The following SEC16A variants were observed in gnomAD, a reference collection of about 807,000 sequenced individuals.
SEC16A encodes protein transport protein Sec16A.
SEC16A carries 110 observed loss-of-function variants against 221.9 expected under a neutral mutation model. The observed-to-expected ratio is 0.50, with a 90% confidence interval of 0.42 to 0.58. SEC16A has a LOEUF of 0.58. Ranked by LOEUF, SEC16A falls within the 20% of genes least tolerant of loss-of-function variation. The probability of loss-of-function intolerance (pLI) is 0.00; values close to 1 mark genes in which losing one functional copy is unlikely to be tolerated. For missense variants in SEC16A, 3,165 were observed against 3,097.8 expected, an observed-to-expected ratio of 1.02 and a Z score of -0.52; for synonymous variants, 1,393 against 1,257.7, an observed-to-expected ratio of 1.11 and a Z score of -2.28.
intron 22 of SEC16A, among the ~76,000 whole-genome samples, chr9:136,452,174 CG>C (rs889033210): frequency 6.6e-6 from 1 of 151,876 alleles, no homozygotes; most frequent in African/African-American, 2.4e-5. Context: ...CCGGGCTGGG[CG>C]GGGTGGCTCA....
chr9:136,442,232 G>A (rs566090056), intron 31 of SEC16A, among the ~76,000 whole-genome samples: 32 of 152,356 alleles, frequency 2.1e-4, no homozygotes, highest in African/African-American at 7.0e-4. Context: ...TTGCTCCCTC[G>A]CAAAGCCTCA....
At chr9:136,451,581 G>C (rs1316590339) in intron 22 of SEC16A, among the ~76,000 whole-genome samples, 173 bp from the exon 23 acceptor site, 1 of 152,140 alleles carries the variant, frequency 6.6e-6, no homozygotes, top group Non-Finnish European at 1.5e-5. Flanking sequence ...CCCCTGACTG[G>C]GCCTCCCAGA....
intron 3 of SEC16A, among the ~76,000 whole-genome samples, chr9:136,473,499 C>T (rs1317451967): frequency 2.0e-5 from 3 of 152,262 alleles, no homozygotes; most frequent in Non-Finnish European, 2.9e-5. Context: ...AGCCGGTCCC[C>T]GAGCCGCTGC....
At position 136,476,638 on chromosome 9, in the gene SEC16A, C is replaced by T; in HGVS notation, c.978G>A (p.Glu326=). 1 of 1,577,454 alleles carries T rather than the reference C, an allele frequency of 6.3e-7. No homozygotes were observed. Among genetic ancestry groups the T allele is most frequent in the Non-Finnish European group, 8.6e-7 (1 of 1,159,788 alleles). Residue 326 remains glutamate, a synonymous_variant, in exon 3 of 32, where the codon GAG becomes GAA. Transcript: ENST00000684901. ...TCACAAGAGCAGAGGCGGGCCGGTG[C>T]TCATTCTTCACTCCTGGATTCTGCC... is the stretch of plus-strand genomic sequence containing the variant. ...ELRQNPGVKN[E]HRPASALVNP...
Position 136,455,627 on chromosome 9 carries a change from C to T in SEC16A, c.5831G>A (p.Ser1944Asn). ...AVPAPSPEHSSPSVRLLPSAP... is the reference protein window; with the variant it reads ...AVPAPSPEHSNPSVRLLPSAP... ...TGAGGGCAGCAGCCGCACGCTCGGG[C>T]TCGAGTGCTCAGGGCTCGGTGCAGG... is the stretch of plus-strand genomic sequence containing the variant. The change falls in exon 20 of 32, where the codon AGC becomes AAC. Residue 1944 changes from serine to asparagine, a missense_variant. Ser to Asn is a conservative substitution (Grantham distance 46). This residue lies in a region of SEC16A where 1,088 missense variants were observed against 1,089.6 expected (regional missense o/e 1.00). Coordinates refer to ENST00000684901, the MANE Select transcript of SEC16A (RefSeq NM_014866.2). 6.3e-7 allele frequency: 1 copy of T among 1,581,320 alleles called. No individual in the cohort carries two copies. The highest frequency in any genetic ancestry group is 8.6e-7 in the Non-Finnish European group (1 of 1,165,442).
rs568640693 is a variant in SEC16A at position 136,444,031 on chromosome 9, G to A, written c.6928-131C>T. 1.0e-5 allele frequency: 6 copies of A among 594,618 alleles called. No homozygotes were observed. In the African/African-American group the frequency reaches 1.1e-4, roughly 11 times the overall value. The allele number at this position is 594,618 out of a possible 1,614,324, so 36.8% of individuals were successfully genotyped here. ...ACATAAGCTACAGAAGCAGATCCAA[G>A]ACACTTCTTGCAACACTGGATTTAG... On this transcript the variant is annotated intron_variant, in intron 30 of 31. Transcript: ENST00000684901.
At chr9:136,481,012 T>C (rs1842252930) in intron 1 of SEC16A, among the ~76,000 whole-genome samples, 1 of 152,216 alleles carries the variant, frequency 6.6e-6, no homozygotes, top group East Asian at 1.9e-4. Context: ...AACATGCCAC[T>C]TTCATTTGGA....
chr9:136,463,310 A>G (rs1048436998), intron 11 of SEC16A, among the ~76,000 whole-genome samples, 153 bp downstream of exon 11: 1 of 151,458 alleles, frequency 6.6e-6, no homozygotes, highest in African/African-American at 2.4e-5. Context: ...CTCCCTCCCT[A>G]CCCAGCCACT....
chr9:136,466,910 G>A lies in SEC16A; in HGVS notation c.3929+47C>T, dbSNP rs560492526. On this transcript the variant is annotated intron_variant, in intron 6 of 31. Coordinates refer to ENST00000684901, the MANE Select transcript of SEC16A (RefSeq NM_014866.2). The surrounding 1 kb of genome is among the most constrained non-coding windows in gnomAD (Gnocchi z 5.5). ...CATGAGGGCAGAGAAGCACTAGCGC[G>A]CCCTGGCTGCCCCCAGCCTCTGCCT... 40 of 1,587,328 alleles carry A rather than the reference G, an allele frequency of 2.5e-5. No individual in the cohort carries two copies. Among genetic ancestry groups the A allele is most frequent in the South Asian group, 2.0e-4 (18 of 88,180 alleles).
chr9:136,447,072 C>A lies in SEC16A; in HGVS notation c.6698-123G>T, dbSNP rs1332004584. ...CGCGGCACACTCATGCAGAAACAGG[C>A]AAATCAAAAAAAAAACCACAAACCA... is the stretch of plus-strand genomic sequence containing the variant. On this transcript the variant is annotated intron_variant, in intron 27 of 31. Transcript: ENST00000684901. The surrounding 1 kb of genome is among the most constrained non-coding windows in gnomAD (Gnocchi z 5.5). 9 of 1,512,044 alleles carry A rather than the reference C, an allele frequency of 6.0e-6. No homozygotes were observed. The African/African-American group carries it at 6.3e-5, about 11-fold the overall frequency. The allele number at this position is 1,512,044 out of a possible 1,614,324, so 93.7% of individuals were successfully genotyped here. A position where few individuals can be genotyped will look rare whatever the true frequency, so the allele number is the denominator to read the frequency against.
At chr9:136,444,329 G>A (rs373782879) in intron 30 of SEC16A, among the ~76,000 whole-genome samples, 15 of 151,822 alleles carry the variant, frequency 9.9e-5, no homozygotes, top group African/African-American at 3.1e-4. Context: ...TGAAGCGTTC[G>A]TTCACCTCCC....
In SEC16A at chr9:136,459,847, A is replaced by G. The variant is rs757734695; in HGVS notation, c.5101T>C (p.Trp1701Arg). 1 of 1,613,600 alleles carries G rather than the reference A, an allele frequency of 6.2e-7. No individual in the cohort carries two copies. The highest frequency in any genetic ancestry group is 8.5e-7 in the Non-Finnish European group (1 of 1,179,766). Reference protein sequence around the residue: ...TCCGDEKWGDWRPHLAMVLSN... With the variant: ...TCCGDEKWGDRRPHLAMVLSN... The stretch of plus-strand genomic sequence containing the variant: ...AAGACCATGGCGAGGTGCGGCCTCC[A>G]ATCTCCCCATTTCTCGTCTCCACAG... The change falls in exon 15 of 32, where the codon TGG becomes CGG. Residue 1701 changes from tryptophan (W) to arginine (R), a missense_variant. Around this residue, in one of 3 missense-constraint regions of SEC16A, gnomAD observed 1,088 missense variants for 1,089.6 expected, o/e 1.00. Coordinates refer to ENST00000684901, the MANE Select transcript of SEC16A (RefSeq NM_014866.2). The surrounding 1 kb of genome is among the most constrained non-coding windows in gnomAD (Gnocchi z 6.1).
Position 136,467,098 on chromosome 9 carries a change from T to C in SEC16A, c.3803-15A>G, listed in dbSNP as rs1207148437. 4 of 1,613,680 alleles carry C rather than the reference T, an allele frequency of 2.5e-6. No homozygotes were observed. In the South Asian group the frequency reaches 4.4e-5, roughly 18 times the overall value. On this transcript the variant is annotated splice_polypyrimidine_tract_variant and intron_variant, in intron 5 of 31. Transcript: ENST00000684901. ...GTGACCTGGATCTGTGAGCAAGGAA[T>C]TAATGATTAATACAGTAACATGCAA...
intron 23 of SEC16A, among the ~76,000 whole-genome samples, chr9:136,450,266 G>A (rs1229602451): frequency 6.6e-6 from 1 of 152,160 alleles, no homozygotes; most frequent in East Asian, 1.9e-4. Flanking sequence ...TCTACAGATT[G>A]GGAGAAGATA....
chr9:136,463,821 C>T, intron 9 of SEC16A, 81 bp from the exon 10 acceptor site: 3 of 1,495,930 alleles, frequency 2.0e-6, no homozygotes, highest in Non-Finnish European at 2.8e-6. Flanking sequence ...GGCACGGATG[C>T]TGCCCGTGAG....
At chr9:136,483,223 C>G (rs1302099549), upstream of SEC16A, among the ~76,000 whole-genome samples, 2 of 136,606 alleles carry the variant, frequency 1.5e-5, no homozygotes, top group African/African-American at 5.5e-5. Context: ...TCCCTCTGTC[C>G]CGCCCCCTCT....
chr9:136,443,351 T>C (rs1836477898), intron 31 of SEC16A, among the ~76,000 whole-genome samples: 1 of 152,162 alleles, frequency 6.6e-6, no homozygotes, highest in Non-Finnish European at 1.5e-5. Flanking sequence ...CTCCTCACAG[T>C]GCCCTGTGGA....
At position 136,458,744 on chromosome 9, in the gene SEC16A, C is replaced by A. The variant is rs563143847; in HGVS notation, c.5409+390G>T. On this transcript the variant is annotated intron_variant, in intron 17 of 31. Coordinates refer to ENST00000684901, the MANE Select transcript of SEC16A (RefSeq NM_014866.2). The stretch of plus-strand genomic sequence containing the variant: ...CCCAGGAGTTTAGGATCAGTCTGGG[C>A]AACACAGTTTTTTTCTACAAAAAAT... 1.4e-3 allele frequency among the ~76,000 whole-genome samples: 205 copies of A among 151,848 alleles called. 1 individual carries two copies. The highest frequency in any genetic ancestry group is 6.9e-3 in the Middle Eastern group (2 of 288).
intron 1 of SEC16A, among the ~76,000 whole-genome samples, chr9:136,481,272 A>C (rs1380158799): frequency 6.6e-6 from 1 of 150,654 alleles, no homozygotes; most frequent in East Asian, 2.0e-4. Flanking sequence ...CGTAGCTGGG[A>C]CTACAGGCGC....
Sources: allele counts gnomAD v4.1 joint callset (sites outside exome capture counted in the v4.1 genomes callset), GRCh38; gene constraint gnomAD v4.1.1; regional missense constraint gnomAD v4.1.1; non-coding constraint Gnocchi (gnomAD v3.1); transcripts MANE v1.5; gene names NCBI Gene and HGNC (gene_info 2026-07-23, HGNC 2026-07-21).